RPH3AL: variants seen among roughly 807,000 people sequenced by gnomAD.
RPH3AL encodes the protein rab effector Noc2.
A neutral mutation model predicts 43.1 loss-of-function variants in RPH3AL; 38 were observed. That is an observed-to-expected ratio of 0.88 (90% CI 0.68 to 1.15). RPH3AL has a LOEUF of 1.15. Among genes scored for constraint, RPH3AL ranks in the 50% most tolerant of loss-of-function variants. The probability of loss-of-function intolerance (pLI) is 0.00; values close to 1 mark genes in which losing one functional copy is unlikely to be tolerated. For synonymous variants in RPH3AL, 189 were observed against 176.3 expected, an observed-to-expected ratio of 1.07 and a Z score of -0.57; for missense variants, 462 against 423.2, an observed-to-expected ratio of 1.09 and a Z score of -0.81.
At chr17:341,416 C>T (rs6565710) in intron 1 of RPH3AL, 146,600 of 152,238 alleles carry the variant, frequency 0.96, 70,779 homozygotes, top group Non-Finnish European at 1. Context: ...AAGAACAGTC[C>T]TTCCAACAAC....
At chr17:346,675 T>A (rs1427955116) in intron 1 of RPH3AL, among the ~76,000 whole-genome samples, 3 of 135,278 alleles carry the variant, frequency 2.2e-5, no homozygotes, top group African/African-American at 7.6e-5. Context: ...TGTACGCACA[T>A]AATCTTTTTT....
intron 6 of RPH3AL, among the ~76,000 whole-genome samples, chr17:265,056 G>C (rs529846195): frequency 6.6e-6 from 1 of 152,294 alleles, no homozygotes; most frequent in East Asian, 1.9e-4. Context: ...CACACTGGGT[G>C]CCTCATACTT....
chr17:308,026 A>G lies in RPH3AL; in HGVS notation c.351+11394T>C, dbSNP rs535987123. On this transcript the variant is annotated intron_variant, in intron 5 of 9. Transcript: ENST00000331302. ...AGAGCCGAAGCAGGCCCCTCGGGGCAGAAGAATTAAGTGACTTTTTCCGGG... is the reference window on the plus strand; with the variant it reads ...AGAGCCGAAGCAGGCCCCTCGGGGCGGAAGAATTAAGTGACTTTTTCCGGG... Among the ~76,000 whole-genome samples, 720 of 152,376 alleles carry G rather than the reference A, an allele frequency of 4.7e-3. 6 individuals carry two copies. Among genetic ancestry groups the G allele is most frequent in the African/African-American group, 0.016 (677 of 41,586 alleles).
chr17:265,287 G>A lies in RPH3AL; in HGVS notation c.438+16481C>T, dbSNP rs540544693. ...TGTAATTTCTTTTTAAGAGAGATGA[G>A]ATTTCGCCATTTTGCCCAGGTTGGT... On this transcript the variant is annotated intron_variant, in intron 6 of 9. Coordinates refer to ENST00000331302, the MANE Select transcript of RPH3AL (RefSeq NM_006987.4). Among the ~76,000 whole-genome samples, 45 of 152,256 alleles carry A rather than the reference G, an allele frequency of 3.0e-4. 1 individual carries two copies. Among genetic ancestry groups the A allele is most frequent in the African/African-American group, 1.1e-3 (44 of 41,550 alleles).
At position 328,723 on chromosome 17, in the gene RPH3AL, GATTTACAATGGATTATT is replaced by G. The variant is rs1228921779; in HGVS notation, c.-36-1161_-36-1145del. On this transcript the variant is annotated intron_variant, in intron 2 of 9. Coordinates refer to ENST00000331302, the MANE Select transcript of RPH3AL (RefSeq NM_006987.4). The surrounding 1 kb of genome is among the most constrained non-coding windows in gnomAD (Gnocchi z 4.2). ...ATGATTATTATTTACAATGGATTATGATTTACAATGGATTATTATTTACAATGGATTATTATTATTTA... is the reference window on the plus strand; with the variant it reads ...ATGATTATTATTTACAATGGATTATGATTTACAATGGATTATTATTATTTA... Among the ~76,000 whole-genome samples the G allele has an allele frequency of 4.6e-5, 7 of 152,210 alleles. No individual in the cohort carries two copies. The highest frequency in any genetic ancestry group is 7.4e-5 in the Non-Finnish European group (5 of 68,024).
rs1186537858 is a variant in RPH3AL at position 228,592 on chromosome 17, G to A, written c.614-8856C>T. Among the ~76,000 whole-genome samples, 7 of 152,338 alleles carry A rather than the reference G, an allele frequency of 4.6e-5. No homozygotes were observed. The South Asian group carries it at 1.0e-3, about 23-fold the overall frequency. On this transcript the variant is annotated intron_variant, in intron 7 of 9. Coordinates refer to ENST00000331302, the MANE Select transcript of RPH3AL (RefSeq NM_006987.4). Reference sequence around the variant, plus strand: ...GTGGACTCACCCCTTTCGAGGAAGCGTGGATTCCCAAGCTGGGCTTTGTAG... The same window carrying A: ...GTGGACTCACCCCTTTCGAGGAAGCATGGATTCCCAAGCTGGGCTTTGTAG...
chr17:258,210 C>T (rs2042108713), intron 6 of RPH3AL, among the ~76,000 whole-genome samples: 1 of 152,158 alleles, frequency 6.6e-6, no homozygotes, highest in African/African-American at 2.4e-5. Flanking sequence ...TCTCCCCCAC[C>T]AGGCTCCACC....
At chr17:277,891 G>T (rs2042691326) in intron 6 of RPH3AL, among the ~76,000 whole-genome samples, 1 of 152,032 alleles carries the variant, frequency 6.6e-6, no homozygotes, top group African/African-American at 2.4e-5. Context: ...GAAGGCAGAG[G>T]TTGCAGTGAG....
In RPH3AL at chr17:314,797, C is replaced by A. The variant is rs866406354; in HGVS notation, c.351+4623G>T. ...ACCCCACCTCCATTGACCTGTAGTC[C>A]CTGTACTCCACGTCCATTGACCTGT... On this transcript the variant is annotated intron_variant, in intron 5 of 9. Transcript: ENST00000331302. 4.0e-4 allele frequency among the ~76,000 whole-genome samples: 57 copies of A among 143,932 alleles called. 1 individual carries two copies. Among genetic ancestry groups the A allele is most frequent in the South Asian group, 6.4e-4 (3 of 4,690 alleles). 94.4% of individuals were successfully genotyped at this position (143,932 alleles called of 152,430 possible).
Position 322,862 on chromosome 17 carries a change from T to G in RPH3AL, c.78-1447A>C, listed in dbSNP as rs1016790666. On this transcript the variant is annotated intron_variant, in intron 3 of 9. Coordinates refer to ENST00000331302, the MANE Select transcript of RPH3AL (RefSeq NM_006987.4). This position sits in a 1 kb window ranked among gnomAD's most constrained non-coding sequence, Gnocchi z 4.0. ...AGGGGGAGCTGGGGGCTGATGAATG[T>G]GAAGATCTAGGGTTTGGAGTCCACT... 6.6e-6 allele frequency among the ~76,000 whole-genome samples: 1 copy of G among 152,100 alleles called. No homozygotes were observed. Among genetic ancestry groups the G allele is most frequent in the African/African-American group, 2.4e-5 (1 of 41,416 alleles).
intron 7 of RPH3AL, chr17:234,342 G>C (rs1173870498): frequency 7.5e-6 from 1 of 133,996 alleles, no homozygotes; most frequent in Admixed American, 7.5e-5. Context: ...CAACTTCCCC[G>C]AGCAGGGAGC....
At chr17:258,412 C>G (rs1344946532) in intron 6 of RPH3AL, among the ~76,000 whole-genome samples, 1 of 152,214 alleles carries the variant, frequency 6.6e-6, no homozygotes, top group African/African-American at 2.4e-5. Context: ...GTGTTTCACT[C>G]AAGTTCCTGT....
At chr17:334,979 C>T (rs999656214) in intron 1 of RPH3AL, among the ~76,000 whole-genome samples, 3 of 152,184 alleles carry the variant, frequency 2.0e-5, no homozygotes, top group Non-Finnish European at 4.4e-5. Flanking sequence ...TTCACCTCTT[C>T]GATCTTGTTT....
intron 6 of RPH3AL, among the ~76,000 whole-genome samples, chr17:262,459 C>G (rs2042222812): frequency 6.6e-6 from 1 of 152,134 alleles, no homozygotes; most frequent in Non-Finnish European, 1.5e-5. Flanking sequence ...CGTGATCCAC[C>G]CGCCTCGGCC....
intron 5 of RPH3AL, among the ~76,000 whole-genome samples, chr17:313,758 C>A (rs2043718161): frequency 6.6e-6 from 1 of 152,174 alleles, no homozygotes; most frequent in Non-Finnish European, 1.5e-5. Flanking sequence ...AGGGCTTGCA[C>A]ACAATGGGCT....
intron 7 of RPH3AL, among the ~76,000 whole-genome samples, chr17:235,935 C>G (rs111457453): frequency 0.013 from 1,061 of 83,820 alleles, 18 homozygotes; most frequent in African/African-American, 0.019. Flanking sequence ...AGGCTCCGCA[C>G]TAACAAGACA....
intron 7 of RPH3AL, among the ~76,000 whole-genome samples, chr17:231,804 G>T (rs949390023): frequency 6.6e-6 from 1 of 152,260 alleles, no homozygotes; most frequent in Non-Finnish European, 1.5e-5. Context: ...ATCAGCCAAG[G>T]TTGTCATTGG....
chr17:335,799 C>T (rs576961069), intron 1 of RPH3AL: 4 of 152,330 alleles, frequency 2.6e-5, no homozygotes, highest in East Asian at 3.9e-4. Flanking sequence ...CTGGAGGCTT[C>T]GCAGGTGGCG....
chr17:257,161 T>G (rs1368784420), intron 6 of RPH3AL, among the ~76,000 whole-genome samples: 15 of 57,872 alleles, frequency 2.6e-4, no homozygotes, highest in South Asian at 1.8e-3. Flanking sequence ...CCTAGGAATG[T>G]GACTACCCTA....
Sources: allele counts gnomAD v4.1 joint callset (sites outside exome capture counted in the v4.1 genomes callset), GRCh38; gene constraint gnomAD v4.1.1; non-coding constraint Gnocchi (gnomAD v3.1); transcripts MANE v1.5; gene names NCBI Gene and HGNC (gene_info 2026-07-23, HGNC 2026-07-21).